The following RANBP17 variants were observed in gnomAD, a reference collection of about 807,000 sequenced individuals.
RANBP17 encodes RAN binding protein 17.
In RANBP17, 158 loss-of-function variants were observed where a neutral mutation model predicts 141.2. The observed-to-expected ratio is 1.12, with a 90% CI of 0.98 to 1.28. RANBP17 has a LOEUF of 1.28. Ranked by LOEUF, RANBP17 falls within the 50% of genes most tolerant of loss-of-function variation. The probability of loss-of-function intolerance (pLI) is 0.00; values close to 1 mark genes in which losing one functional copy is unlikely to be tolerated. For missense variants in RANBP17, 1,438 were observed against 1,290.7 expected (o/e 1.11, Z -1.75); for synonymous variants, 430 against 450.0 (o/e 0.96, Z 0.56).
chr5:170,995,171 G>A (rs1476138653), intron 14 of RANBP17, among the ~76,000 whole-genome samples: 2 of 151,986 alleles, frequency 1.3e-5, no homozygotes, highest in African/African-American at 4.8e-5. Flanking sequence ...GTGATTTTAT[G>A]TGTTACAGTT....
intron 14 of RANBP17, among the ~76,000 whole-genome samples, chr5:171,066,506 T>A: frequency 6.6e-6 from 1 of 152,310 alleles, no homozygotes; most frequent in East Asian, 1.9e-4. Context: ...GATATCCTTC[T>A]TTTTTAAGGC....
At chr5:171,008,973 A>G (rs1369971176) in intron 14 of RANBP17, among the ~76,000 whole-genome samples, 1 of 152,196 alleles carries the variant, frequency 6.6e-6, no homozygotes, top group Non-Finnish European at 1.5e-5. Flanking sequence ...TTCAATTTGT[A>G]TAATTTACAG....
chr5:171,297,846 C>CTTTTT (rs71310040), intron 27 of RANBP17, among the ~76,000 whole-genome samples: 11 of 67,508 alleles, frequency 1.6e-4, no homozygotes, highest in South Asian at 5.4e-4. Flanking sequence ...CCAATAAATT[C>CTTTTT]TTTTTTTTTT....
At chr5:170,919,974 A>G (rs1234180638) in intron 11 of RANBP17, among the ~76,000 whole-genome samples, 1 of 151,882 alleles carries the variant, frequency 6.6e-6, no homozygotes, top group Non-Finnish European at 1.5e-5. Context: ...CATTTGAGAG[A>G]TTCCTCTGTG....
intron 23 of RANBP17, among the ~76,000 whole-genome samples, chr5:171,242,002 T>C (rs1045470552): frequency 1.3e-5 from 2 of 151,986 alleles, no homozygotes; most frequent in African/African-American, 2.4e-5. Flanking sequence ...TCTTTTTTTT[T>C]TTTTAGAGGC....
intron 3 of RANBP17, among the ~76,000 whole-genome samples, chr5:170,883,268 CT>C (rs1189604701): frequency 1.3e-5 from 2 of 152,176 alleles, no homozygotes; most frequent in African/African-American, 4.8e-5. Flanking sequence ...CAATACACAT[CT>C]TTTAAATAGA....
At chr5:170,918,911 T>C in intron 10 of RANBP17, 52 bp downstream of exon 10, 1 of 1,239,836 alleles carries the variant, frequency 8.1e-7, no homozygotes, top group Middle Eastern at 2.3e-4. Flanking sequence ...TAAAACAGCT[T>C]CTTGGTAAGG....
chr5:170,998,105 A>C (rs921264077), intron 14 of RANBP17, among the ~76,000 whole-genome samples: 1 of 151,324 alleles, frequency 6.6e-6, no homozygotes, highest in African/African-American at 2.4e-5. Flanking sequence ...AAAAAAAAAA[A>C]CCCTTTTTCT....
intron 14 of RANBP17, among the ~76,000 whole-genome samples, chr5:171,089,504 G>A (rs549116787): frequency 1.3e-5 from 2 of 152,152 alleles, no homozygotes; most frequent in South Asian, 4.2e-4. Flanking sequence ...GAGCTTCCCG[G>A]CTGCTTTGTT....
chr5:171,208,363 C>G (rs1418569237), intron 20 of RANBP17, among the ~76,000 whole-genome samples: 1 of 152,146 alleles, frequency 6.6e-6, no homozygotes, highest in African/African-American at 2.4e-5. Flanking sequence ...GTTTCCAGGG[C>G]TGGAGAATTG....
At chr5:171,173,822 T>C (rs1259243236) in intron 16 of RANBP17, among the ~76,000 whole-genome samples, 1 of 152,148 alleles carries the variant, frequency 6.6e-6, no homozygotes, top group Non-Finnish European at 1.5e-5. Context: ...TCATGTTAAG[T>C]TGGTGGCTCC....
intron 5 of RANBP17, among the ~76,000 whole-genome samples, chr5:170,907,937 C>G (rs10062682): frequency 6.6e-6 from 1 of 151,668 alleles, no homozygotes; most frequent in East Asian, 1.9e-4. Context: ...CCACATTACT[C>G]ATCATCTTAG....
chr5:171,028,227 A>G (rs1305282546), intron 14 of RANBP17, among the ~76,000 whole-genome samples: 1 of 152,168 alleles, frequency 6.6e-6, no homozygotes, highest in Non-Finnish European at 1.5e-5. Context: ...TGTTGTTCAT[A>G]TGTGTAAGAA....
At chr5:171,165,119 T>C (rs1759594533) in intron 14 of RANBP17, among the ~76,000 whole-genome samples, 1 of 152,220 alleles carries the variant, frequency 6.6e-6, no homozygotes, top group Admixed American at 6.5e-5. Flanking sequence ...AACTATTAAA[T>C]GTCAAGCTCT....
chr5:171,054,711 G>A (rs960000688), intron 14 of RANBP17, among the ~76,000 whole-genome samples: 5 of 152,076 alleles, frequency 3.3e-5, no homozygotes, highest in Non-Finnish European at 7.4e-5. Context: ...AGCCCAGTAG[G>A]CCTCAACCTT....
chr5:171,221,617 C>T lies in RANBP17; in HGVS notation c.2340-141C>T, dbSNP rs1763560946. ...GAAATTAGCATACGTATTTTATCAA[C>T]AGTTGTTTATAAAATGGAGTGGAAC... On this transcript the variant is annotated intron_variant, in intron 21 of 27. Coordinates refer to ENST00000523189, the MANE Select transcript of RANBP17 (RefSeq NM_022897.5). 1.9e-5 allele frequency: 12 copies of T among 639,618 alleles called. No individual in the cohort carries two copies. The South Asian group carries it at 2.0e-4, about 11-fold the overall frequency. The allele number at this position is 639,618 out of a possible 1,614,324, so 39.6% of individuals were successfully genotyped here. A position where few individuals can be genotyped will look rare whatever the true frequency, so the allele number is the denominator to read the frequency against.
At chr5:171,214,393 AAG>A (rs924416442) in intron 21 of RANBP17, among the ~76,000 whole-genome samples, 1 of 152,248 alleles carries the variant, frequency 6.6e-6, no homozygotes, top group Non-Finnish European at 1.5e-5. Context: ...ATGTAGCTAA[AAG>A]AGAAAATCTG....
At chr5:171,170,740 G>A (rs574132721) in intron 15 of RANBP17, among the ~76,000 whole-genome samples, 2 of 152,108 alleles carry the variant, frequency 1.3e-5, no homozygotes, top group Non-Finnish European at 2.9e-5. Context: ...CTGGCACCCC[G>A]CTTTATCTGT....
intron 14 of RANBP17, among the ~76,000 whole-genome samples, chr5:171,096,759 A>G (rs1786721794): frequency 6.6e-6 from 1 of 152,170 alleles, no homozygotes; most frequent in Non-Finnish European, 1.5e-5. Context: ...TTATATCTGT[A>G]TGTAAAGAAG....
Sources: gnomAD v4.1 joint callset for allele counts (sites outside exome capture counted in the v4.1 genomes callset) on GRCh38, gnomAD v4.1.1 for gene constraint, MANE v1.5 for transcripts, NCBI Gene and HGNC (gene_info 2026-07-23, HGNC 2026-07-21) for gene names.